Variants in SHISA9 observed in about 807,000 individuals in gnomAD.
The protein encoded by SHISA9 is shisa family member 9.
In SHISA9, 13 loss-of-function variants were observed where a neutral mutation model predicts 38.0. The ratio of observed to expected loss-of-function variants is 0.34; its 90% confidence interval spans 0.22 to 0.54. The LOEUF is 0.54. Among genes scored for constraint, SHISA9 ranks in the 20% least tolerant of loss-of-function variants. The pLI is 0.91. For synonymous variants in SHISA9, 275 were observed against 242.0 expected (o/e 1.14, Z -1.27); for missense variants, 538 against 575.8 (o/e 0.93, Z 0.67).
At chr16:13,307,820 G>T in the SHISA9 span, among the ~76,000 whole-genome samples, 1 of 152,204 alleles carries the variant, frequency 6.6e-6, no homozygotes, top group African/African-American at 2.4e-5. Flanking sequence ...CTTTAAAAAA[G>T]ACCATCTTTT....
At chr16:12,911,537 A>G (rs1170970833) in intron 1 of SHISA9, 1 of 276,922 alleles carries the variant, frequency 3.6e-6, no homozygotes, top group East Asian at 1.8e-4. Flanking sequence ...ATTATTTGAA[A>G]ACCTGTTGCT....
the SHISA9 span, among the ~76,000 whole-genome samples, chr16:13,534,939 C>G: frequency 7.2e-5 from 11 of 151,976 alleles, no homozygotes; most frequent in African/African-American, 2.2e-4. Flanking sequence ...TGCTCGCCAA[C>G]CTTTCCACAA....
At chr16:13,156,028 A>C (rs1357713293) in intron 2 of SHISA9, among the ~76,000 whole-genome samples, 2 of 152,192 alleles carry the variant, frequency 1.3e-5, no homozygotes, top group Admixed American at 1.3e-4. Flanking sequence ...CAGCAAAAAA[A>C]CGCAAGCTGG....
the SHISA9 span, among the ~76,000 whole-genome samples, chr16:13,546,751 T>C: frequency 6.6e-6 from 1 of 152,174 alleles, no homozygotes; most frequent in African/African-American, 2.4e-5. Context: ...CAAAACCATA[T>C]TCACCCATTT....
the SHISA9 span, among the ~76,000 whole-genome samples, chr16:13,325,046 A>T: frequency 1.3e-5 from 2 of 152,196 alleles, no homozygotes; most frequent in Admixed American, 6.5e-5. Flanking sequence ...TATCATGTAA[A>T]TAAAGCCTCT....
At chr16:13,550,478 C>T in the SHISA9 span, among the ~76,000 whole-genome samples, 1 of 152,260 alleles carries the variant, frequency 6.6e-6, no homozygotes, top group South Asian at 2.1e-4. Flanking sequence ...GTCCAAGTGG[C>T]AACTCTTAAC....
At chr16:13,102,732 G>A (rs900304377) in intron 2 of SHISA9, among the ~76,000 whole-genome samples, 3 of 152,140 alleles carry the variant, frequency 2.0e-5, no homozygotes, top group African/African-American at 4.8e-5. Context: ...TCCCCTAGAC[G>A]GTTGGGGAGA....
the SHISA9 span, among the ~76,000 whole-genome samples, chr16:13,456,714 G>T: frequency 6.6e-6 from 1 of 152,228 alleles, no homozygotes; most frequent in Non-Finnish European, 1.5e-5. Flanking sequence ...AAAAGCTGAA[G>T]ACTAATGATC....
chr16:13,486,692 CT>C, the SHISA9 span, among the ~76,000 whole-genome samples: 1 of 152,142 alleles, frequency 6.6e-6, no homozygotes, highest in East Asian at 1.9e-4. Context: ...ATAATCCTCT[CT>C]ATACCTTCTT....
chr16:13,083,308 T>C (rs1197892584), intron 2 of SHISA9, among the ~76,000 whole-genome samples: 1 of 152,194 alleles, frequency 6.6e-6, no homozygotes, highest in Non-Finnish European at 1.5e-5. Context: ...ATGCGTCATC[T>C]CTATACAATG....
Position 12,923,773 on chromosome 16 carries a change from G to A in SHISA9, c.691+6958G>A, listed in dbSNP as rs535677064. 1.4e-3 allele frequency among the ~76,000 whole-genome samples: 211 copies of A among 151,416 alleles called. 4 individuals carry two copies. Among genetic ancestry groups the A allele is most frequent in the Non-Finnish European group, 2.8e-4 (19 of 67,870 alleles). ...GGAGAATGGCATGAATCTGGGAGGC[G>A]GAGCTTGCAGTGAGCCGAGATCACG... On this transcript the variant is annotated intron_variant, in intron 2 of 4. Transcript: ENST00000558583.
At chr16:12,927,542 G>C (rs2071407020) in intron 2 of SHISA9, among the ~76,000 whole-genome samples, 1 of 151,996 alleles carries the variant, frequency 6.6e-6, no homozygotes, top group Non-Finnish European at 1.5e-5. Flanking sequence ...GGGGCCACAG[G>C]CATGTGCAAT....
the SHISA9 span, among the ~76,000 whole-genome samples, chr16:13,546,181 C>A: frequency 2.0e-5 from 3 of 152,186 alleles, no homozygotes; most frequent in African/African-American, 7.2e-5. Flanking sequence ...CCCTGTCCAA[C>A]TTTCTACAAA....
At chr16:13,552,239 C>T in the SHISA9 span, among the ~76,000 whole-genome samples, 3 of 152,160 alleles carry the variant, frequency 2.0e-5, no homozygotes, top group African/African-American at 7.2e-5. Context: ...GCTGGATCTG[C>T]TCTCCTGAAA....
At chr16:13,429,858 C>T in the SHISA9 span, among the ~76,000 whole-genome samples, 5 of 152,142 alleles carry the variant, frequency 3.3e-5, no homozygotes, top group African/African-American at 4.8e-5. Flanking sequence ...CGACAATGTC[C>T]TTGTTATGAG....
chr16:13,372,832 T>G, the SHISA9 span, among the ~76,000 whole-genome samples: 1 of 149,726 alleles, frequency 6.7e-6, no homozygotes, highest in African/African-American at 2.5e-5. Flanking sequence ...TTCTTAACCT[T>G]TTTTTTTTAA....
intron 2 of SHISA9, among the ~76,000 whole-genome samples, chr16:13,159,457 G>A (rs1320595734): frequency 6.6e-6 from 1 of 152,192 alleles, no homozygotes; most frequent in Admixed American, 6.5e-5. Context: ...CGAGATGTGA[G>A]AGAAGAAAGC....
chr16:13,181,296 TATATATATATATATATACAC>T (rs1171511534), intron 2 of SHISA9, among the ~76,000 whole-genome samples: 29 of 42,104 alleles, frequency 6.9e-4, no homozygotes, highest in Admixed American at 2.4e-3. Flanking sequence ...TATATATATA[TATATATATATATATATACAC>T]ACACACACAC....
At chr16:12,999,155 C>G (rs748571713) in intron 2 of SHISA9, among the ~76,000 whole-genome samples, 1 of 152,186 alleles carries the variant, frequency 6.6e-6, no homozygotes, top group African/African-American at 2.4e-5. Context: ...TTATAAGGCA[C>G]ATCACAGCCT....
Sources: allele counts gnomAD v4.1 joint callset (sites outside exome capture counted in the v4.1 genomes callset), GRCh38; gene constraint gnomAD v4.1.1; transcripts MANE v1.5; gene names NCBI Gene and HGNC (gene_info 2026-07-23, HGNC 2026-07-21).